The following PLEKHA8 variants were observed in gnomAD, a reference collection of about 807,000 sequenced individuals.
The protein encoded by PLEKHA8 is pleckstrin homology domain-containing family A member 8.
Under a neutral mutation model 68.2 loss-of-function variants are expected in PLEKHA8, and 36 were observed. The ratio of observed to expected loss-of-function variants is 0.53; its 90% confidence interval spans 0.40 to 0.70. The LOEUF (loss-of-function observed/expected upper bound fraction) is 0.70. Ranked by LOEUF, PLEKHA8 falls within the 30% of genes least tolerant of loss-of-function variation. The probability of loss-of-function intolerance (pLI) is 0.00; values close to 1 mark genes in which losing one functional copy is unlikely to be tolerated. For missense variants in PLEKHA8, 505 were observed against 615.4 expected, an observed-to-expected ratio of 0.82 and a Z score of 1.90; for synonymous variants, 211 against 216.1, an observed-to-expected ratio of 0.98 and a Z score of 0.20.
At chr7:30,057,615 G>C (rs763493225) in intron 9 of PLEKHA8, among the ~76,000 whole-genome samples, 12 of 151,910 alleles carry the variant, frequency 7.9e-5, no homozygotes, top group Non-Finnish European at 1.5e-4. Flanking sequence ...GTGCCACCAT[G>C]CCTGGCCAAT....
intron 9 of PLEKHA8, among the ~76,000 whole-genome samples, chr7:30,058,471 CTTTTTT>C (rs79972069): frequency 8.0e-6 from 1 of 125,250 alleles, no homozygotes; most frequent in Non-Finnish European, 1.8e-5. Flanking sequence ...AGTTGAGGTT[CTTTTTT>C]TTTTTTTTTT....
intron 1 of PLEKHA8, among the ~76,000 whole-genome samples, chr7:30,034,590 G>C (rs918588330): frequency 6.6e-6 from 1 of 152,186 alleles, no homozygotes; most frequent in African/African-American, 2.4e-5. Context: ...ATAAGGAAGA[G>C]AAAATACATT....
At chr7:30,064,248 A>G (rs1307088858) in intron 12 of PLEKHA8, among the ~76,000 whole-genome samples, 2 of 152,362 alleles carry the variant, frequency 1.3e-5, no homozygotes, top group African/African-American at 4.8e-5. Context: ...AAAAAATTAC[A>G]GAAGTATTTG....
chr7:30,101,520 A>T (rs1187153449), intron 13 of PLEKHA8, among the ~76,000 whole-genome samples: 1 of 152,130 alleles, frequency 6.6e-6, no homozygotes, highest in African/African-American at 2.4e-5. Flanking sequence ...ACAAGCTCTC[A>T]GGGGCCTCTT....
intron 7 of PLEKHA8, 88 bp downstream of exon 7, chr7:30,052,954 C>A: frequency 1.8e-6 from 2 of 1,114,782 alleles, no homozygotes; most frequent in Non-Finnish European, 2.5e-6. Context: ...AGGGATTAAC[C>A]TCAAGACCAT....
At chr7:30,085,863 G>GA (rs1247071154), downstream of PLEKHA8, among the ~76,000 whole-genome samples, 1 of 152,176 alleles carries the variant, frequency 6.6e-6, no homozygotes, top group Non-Finnish European at 1.5e-5. Flanking sequence ...GGAGAGGAAG[G>GA]ATGGTGTAGG....
intron 13 of PLEKHA8, among the ~76,000 whole-genome samples, chr7:30,105,457 C>G (rs1432768838): frequency 6.6e-6 from 1 of 151,484 alleles, no homozygotes; most frequent in Non-Finnish European, 1.5e-5. Flanking sequence ...GCATTCCTTT[C>G]TGGGAGACAG....
intron 13 of PLEKHA8, among the ~76,000 whole-genome samples, chr7:30,106,963 C>T (rs974919353): frequency 1.3e-5 from 2 of 152,146 alleles, no homozygotes; most frequent in Admixed American, 6.5e-5. Context: ...CCCACAGATA[C>T]CAGGGTTTGA....
At chr7:30,055,447 C>A in intron 9 of PLEKHA8, 105 bp downstream of exon 9, 1 of 984,226 alleles carries the variant, frequency 1.0e-6, no homozygotes, top group Non-Finnish European at 1.6e-6. Flanking sequence ...GTGAGATGAC[C>A]CTTGGCTATT....
In PLEKHA8 at chr7:30,045,067, TCTTG is replaced by T; in HGVS notation, c.41-14_41-11del. 6.5e-7 allele frequency: 1 copy of T among 1,549,956 alleles called. No homozygotes were observed. The highest frequency in any genetic ancestry group is 8.8e-7 in the Non-Finnish European group (1 of 1,130,884). On this transcript the variant is annotated splice_polypyrimidine_tract_variant and intron_variant, in intron 1 of 13. Coordinates refer to ENST00000449726, the MANE Select transcript of PLEKHA8 (RefSeq NM_001197026.2). ...ACACAGGCAGTAATTGCAATGATGC[TCTTG>T]CTTTTGTTTTCAGGTTGGCAGCCTC...
chr7:30,123,466 C>T (rs1283028746), intron 13 of PLEKHA8, among the ~76,000 whole-genome samples: 1 of 152,216 alleles, frequency 6.6e-6, no homozygotes, highest in African/African-American at 2.4e-5. Context: ...TCCCCGTCCT[C>T]AAACACAGTG....
At chr7:30,074,245 G>GTT (rs1226271233) in intron 13 of PLEKHA8, 113 bp downstream of exon 13, 1 of 627,478 alleles carries the variant, frequency 1.6e-6, no homozygotes. Context: ...CAGAAACAAA[G>GTT]TTGTGTGTGT....
At chr7:30,052,664 C>T in intron 6 of PLEKHA8, 45 bp from the exon 7 acceptor site, 1 of 1,346,920 alleles carries the variant, frequency 7.4e-7, no homozygotes, top group Non-Finnish European at 9.6e-7. Context: ...AAAAAAAGAC[C>T]AAATAACGAC....
chr7:30,125,045 A>G (rs1231745408), intron 13 of PLEKHA8, among the ~76,000 whole-genome samples: 1 of 152,088 alleles, frequency 6.6e-6, no homozygotes, highest in Non-Finnish European at 1.5e-5. Flanking sequence ...CATTTTCCCT[A>G]TTTTTAAATG....
At position 30,046,233 on chromosome 7, in the gene PLEKHA8, A is replaced by G. The variant is rs1583797220; in HGVS notation, c.181A>G (p.Met61Val). 4 of 1,612,222 alleles carry G rather than the reference A, an allele frequency of 2.5e-6. No homozygotes were observed. Among genetic ancestry groups the G allele is most frequent in the African/African-American group, 1.3e-5 (1 of 74,890 alleles). ...AGTTCATTCTGTAGATAATACACGC[A>G]TGGACCTGATAATCCCTGGGGAACA... Reference protein sequence around the residue: ...IQVHSVDNTRMDLIIPGEQYF... With the variant: ...IQVHSVDNTRVDLIIPGEQYF... The change falls in exon 3 of 14, where the codon ATG (methionine) becomes GTG (valine). Residue 61 changes from methionine to valine, a missense_variant. Transcript: ENST00000449726.
intron 5 of PLEKHA8, 113 bp from the exon 6 acceptor site, chr7:30,050,321 A>G (rs1439083336): frequency 1.5e-6 from 2 of 1,347,904 alleles, no homozygotes; most frequent in Non-Finnish European, 2.0e-6. Context: ...TAGTGGGGCT[A>G]GTGTATTTTA....
At chr7:30,085,287 A>G (rs1021958649), downstream of PLEKHA8, among the ~76,000 whole-genome samples, 6 of 152,136 alleles carry the variant, frequency 3.9e-5, no homozygotes, top group African/African-American at 1.4e-4. Context: ...ACAGAAGACC[A>G]TTTTGAAGCA....
rs1049714035 is a variant in PLEKHA8 at position 30,081,996 on chromosome 7, C to T, written c.*3209C>T. On this transcript the variant is annotated 3_prime_UTR_variant, in exon 14 of 14. Transcript: ENST00000449726. Reference sequence around the variant, plus strand: ...GGAGAGATCCCTTTTGGGAGTGAAACCAAATTGTAACTATGAGGAGAAGAT... The same window carrying T: ...GGAGAGATCCCTTTTGGGAGTGAAATCAAATTGTAACTATGAGGAGAAGAT... 40 of 937,642 alleles carry T rather than the reference C, an allele frequency of 4.3e-5. No individual in the cohort carries two copies. Among genetic ancestry groups the T allele is most frequent in the Non-Finnish European group, 5.0e-5 (39 of 786,922 alleles). 58.1% of individuals were successfully genotyped at this position (937,642 alleles called of 1,614,324 possible).
chr7:30,108,903 T>C (rs1796167946), intron 13 of PLEKHA8, among the ~76,000 whole-genome samples: 1 of 152,184 alleles, frequency 6.6e-6, no homozygotes, highest in Non-Finnish European at 1.5e-5. Context: ...ATAGAAATAA[T>C]TCATACTAAG....
Sources: gnomAD v4.1 joint callset for allele counts (sites outside exome capture counted in the v4.1 genomes callset) on GRCh38, gnomAD v4.1.1 for gene constraint, MANE v1.5 for transcripts, NCBI Gene and HGNC (gene_info 2026-07-23, HGNC 2026-07-21) for gene names.